Variants in PIK3R1 observed in about 807,000 individuals in gnomAD.
PIK3R1 encodes phosphoinositide-3-kinase regulatory subunit 1.
In PIK3R1, 29 loss-of-function variants were observed where a neutral mutation model predicts 98.0. That is an observed-to-expected ratio of 0.30 (90% CI 0.22 to 0.40). The LOEUF is 0.40. PIK3R1 is among the 10% of genes least tolerant of loss of function. PIK3R1 has a pLI of 1.00. For synonymous variants in PIK3R1, 282 were observed against 311.8 expected (o/e 0.90, Z 1.01); for missense variants, 596 against 872.7 (o/e 0.68, Z 3.99).
At chr5:68,269,420 T>A (rs1262285465) in intron 2 of PIK3R1, among the ~76,000 whole-genome samples, 1 of 152,206 alleles carries the variant, frequency 6.6e-6, no homozygotes. Context: ...TGGTGCTCTG[T>A]TAATTTGTGT....
intron 2 of PIK3R1, 77 bp downstream of exon 2, chr5:68,227,086 T>A: frequency 7.5e-7 from 1 of 1,334,708 alleles, no homozygotes; most frequent in African/African-American, 1.5e-5. Context: ...TTGGGTTGAG[T>A]CGTTATGTTC....
chr5:68,236,491 C>T (rs888056208), intron 2 of PIK3R1, among the ~76,000 whole-genome samples: 3 of 152,004 alleles, frequency 2.0e-5, no homozygotes, highest in Non-Finnish European at 2.9e-5. Context: ...CCTTGTGATC[C>T]GCCCACCTCG....
At chr5:68,217,250 T>C (rs1743920560) in intron 1 of PIK3R1, among the ~76,000 whole-genome samples, 2 of 152,170 alleles carry the variant, frequency 1.3e-5, no homozygotes, top group Non-Finnish European at 2.9e-5. Context: ...TGGTCAAGGC[T>C]TGATGTGGAG....
intron 2 of PIK3R1, among the ~76,000 whole-genome samples, chr5:68,237,516 C>G (rs1744706427): frequency 6.6e-6 from 1 of 151,310 alleles, no homozygotes; most frequent in Non-Finnish European, 1.5e-5. Flanking sequence ...CAGAGATAGT[C>G]TCTCAAAGGT....
At chr5:68,263,627 C>A (rs940160709) in intron 2 of PIK3R1, among the ~76,000 whole-genome samples, 1 of 152,142 alleles carries the variant, frequency 6.6e-6, no homozygotes, top group Non-Finnish European at 1.5e-5. Context: ...TGATTCCTTA[C>A]ACAATTGTTA....
At chr5:68,248,628 C>T (rs1351931796) in intron 2 of PIK3R1, among the ~76,000 whole-genome samples, 3 of 152,088 alleles carry the variant, frequency 2.0e-5, no homozygotes, top group African/African-American at 7.2e-5. Flanking sequence ...TCATTTGATA[C>T]CCTTTGTTGG....
intron 2 of PIK3R1, among the ~76,000 whole-genome samples, chr5:68,264,037 A>T (rs1746017079): frequency 6.6e-6 from 1 of 152,228 alleles, no homozygotes; most frequent in South Asian, 2.1e-4. Flanking sequence ...AGTCTTTTGT[A>T]CCTTGCTAAA....
chr5:68,284,873 A>C (rs1327145217), intron 7 of PIK3R1, among the ~76,000 whole-genome samples: 1 of 152,226 alleles, frequency 6.6e-6, no homozygotes, highest in Non-Finnish European at 1.5e-5. Context: ...CTCCTCATTT[A>C]CAGAGGGAAG....
intron 2 of PIK3R1, among the ~76,000 whole-genome samples, chr5:68,231,387 A>G (rs1744468573): frequency 6.6e-6 from 1 of 152,230 alleles, no homozygotes; most frequent in East Asian, 1.9e-4. Context: ...GACATAAAGC[A>G]TGCATTTGAC....
chr5:68,297,657 A>G lies in PIK3R1; in HGVS notation c.*56A>G. The G allele has an allele frequency of 7.0e-7, 1 of 1,420,118 alleles. No homozygotes were observed. The allele number at this position is 1,420,118 out of a possible 1,614,324, so 88.0% of individuals were successfully genotyped here. A position where few individuals can be genotyped will look rare whatever the true frequency, so the allele number is the denominator to read the frequency against. Reference sequence around the variant, plus strand: ...TTCAGCCACCCTGAGGCCTCTGGAAAGCAAAGGGCTCCTCTCCAGTCTGAT... The same window carrying G: ...TTCAGCCACCCTGAGGCCTCTGGAAGGCAAAGGGCTCCTCTCCAGTCTGAT... On this transcript the variant is annotated 3_prime_UTR_variant, in exon 16 of 16. Coordinates refer to ENST00000521381, the MANE Select transcript of PIK3R1 (RefSeq NM_181523.3).
chr5:68,223,336 GTCCAGTC>G (rs943744254), intron 1 of PIK3R1, among the ~76,000 whole-genome samples: 2 of 151,542 alleles, frequency 1.3e-5, no homozygotes, highest in African/African-American at 4.9e-5. Flanking sequence ...TCACCATGCT[GTCCAGTC>G]CCCACCCCAA....
intron 4 of PIK3R1, 92 bp from the exon 5 acceptor site, chr5:68,279,510 T>TG: frequency 1.2e-6 from 1 of 850,920 alleles, no homozygotes; most frequent in Non-Finnish European, 1.7e-6. Flanking sequence ...TTTTTTTTTT[T>TG]GTCACATGTG....
chr5:68,281,057 CT>C, intron 7 of PIK3R1, 51 bp downstream of exon 7: 1 of 1,255,400 alleles, frequency 8.0e-7, no homozygotes. Context: ...TTTTTAGAGC[CT>C]TAAAAAATGA....
chr5:68,291,093 T>G (rs1459655074), intron 7 of PIK3R1: 2 of 365,570 alleles, frequency 5.5e-6, no homozygotes, highest in African/African-American at 4.2e-5. Context: ...TGGTGTCTTT[T>G]GTTAATCGAG....
At chr5:68,287,236 GA>G (rs561980827) in intron 7 of PIK3R1, among the ~76,000 whole-genome samples, 230 of 152,292 alleles carry the variant, frequency 1.5e-3, no homozygotes, top group African/African-American at 5.2e-3. Flanking sequence ...ATAGAAAACA[GA>G]AAAAACCAGA....
At chr5:68,283,675 A>G (rs1746948995) in intron 7 of PIK3R1, among the ~76,000 whole-genome samples, 1 of 152,242 alleles carries the variant, frequency 6.6e-6, no homozygotes, top group Non-Finnish European at 1.5e-5. Flanking sequence ...TAGAGTTGAA[A>G]GCATTGTCCA....
chr5:68,270,474 G>A (rs1746309216), intron 2 of PIK3R1, among the ~76,000 whole-genome samples: 2 of 151,904 alleles, frequency 1.3e-5, no homozygotes, highest in Admixed American at 1.3e-4. Flanking sequence ...ATAAGACTCT[G>A]GAATGAGACA....
intron 2 of PIK3R1, among the ~76,000 whole-genome samples, chr5:68,247,298 A>T (rs1245812165): frequency 6.6e-6 from 1 of 152,160 alleles, no homozygotes; most frequent in African/African-American, 2.4e-5. Flanking sequence ...CACATTTTAG[A>T]GGCTTGATTG....
intron 2 of PIK3R1, among the ~76,000 whole-genome samples, chr5:68,265,051 T>C (rs1477752046): frequency 6.6e-6 from 1 of 152,128 alleles, no homozygotes; most frequent in East Asian, 1.9e-4. Flanking sequence ...CTGGATTTTC[T>C]CTCTGTGGCT....
Sources: gnomAD v4.1 joint callset for allele counts (sites outside exome capture counted in the v4.1 genomes callset) on GRCh38, gnomAD v4.1.1 for gene constraint, MANE v1.5 for transcripts, NCBI Gene and HGNC (gene_info 2026-07-23, HGNC 2026-07-21) for gene names.